HAGH: variants seen among roughly 807,000 people sequenced by gnomAD.
HAGH encodes hydroxyacylglutathione hydrolase, mitochondrial.
Under a neutral mutation model 35.1 loss-of-function variants are expected in HAGH, and 29 were observed. The ratio of observed to expected loss-of-function variants is 0.83; its 90% CI spans 0.62 to 1.13. The LOEUF (loss-of-function observed/expected upper bound fraction) is 1.13. HAGH is among the 50% of genes most tolerant of loss of function. The pLI, the probability that HAGH is intolerant of heterozygous loss-of-function variation, is 0.00. For synonymous variants in HAGH, 225 were observed against 176.1 expected (o/e 1.28, Z -2.20); for missense variants, 478 against 419.6 (o/e 1.14, Z -1.22).
Position 1,819,943 on chromosome 16 carries a change from C to A in HAGH, c.386G>T (p.Arg129Leu). 6.2e-7 allele frequency: 1 copy of A among 1,613,102 alleles called. No individual in the cohort carries two copies. The highest frequency in any genetic ancestry group is 8.5e-7 in the Non-Finnish European group (1 of 1,179,364). Residue 129 changes from arginine to leucine, a missense_variant, in exon 4 of 9, where the codon CGT (arginine) becomes CTT (leucine). Arg to Leu is a moderately radical substitution (Grantham distance 102, BLOSUM62 -2). Coordinates refer to ENST00000397356, the MANE Select transcript of HAGH (RefSeq NM_005326.6). ...GATCTTGTGAGTCAGGGCCCCGATA[C>A]GGTCGTCACCCCCGTACACCTTCAG... ...SGLKVYGGDDRIGALTHKITH... is the reference protein window; with the variant it reads ...SGLKVYGGDDLIGALTHKITH...
At position 1,822,288 on chromosome 16, in the gene HAGH, C is replaced by G. The variant is rs376741120; in HGVS notation, c.314+12G>C. On this transcript the variant is annotated intron_variant, in intron 3 of 8. Transcript: ENST00000397356. ...CCAGGTCCCACACCCCCAGGTGAGA[C>G]GCGGCACTTACCAGTGGTGGTGGGT... is the stretch of plus-strand genomic sequence containing the variant. 1.1e-5 allele frequency: 17 copies of G among 1,589,508 alleles called. No homozygotes were observed. Among genetic ancestry groups the G allele is most frequent in the Middle Eastern group, 1.7e-4 (1 of 5,992 alleles).
At chr16:1,810,024 G>C (rs1354779425) in intron 7 of HAGH, 191 bp from the exon 8 acceptor site, 2 of 585,126 alleles carry the variant, frequency 3.4e-6, no homozygotes, top group Non-Finnish European at 6.1e-6. Flanking sequence ...AACTAGCCAG[G>C]CATGGTGGCA....
chr16:1,822,212 T>C, intron 3 of HAGH, 88 bp downstream of exon 3: 1 of 812,152 alleles, frequency 1.2e-6, no homozygotes, highest in Non-Finnish European at 2.1e-6. Context: ...GACAGAGCCG[T>C]GGGGGGAGAC....
At chr16:1,818,809 G>A (rs1032996243) in intron 5 of HAGH, 1 of 378,302 alleles carries the variant, frequency 2.6e-6, no homozygotes, top group African/African-American at 2.1e-5. Flanking sequence ...CCCCAGGGCT[G>A]AGCCACCCCT....
rs771431266 is a variant in HAGH at position 1,809,361 on chromosome 16, G to C, written c.849C>G (p.His283Gln). Residue 283 changes from histidine (H) to glutamine (Q), a missense_variant, in exon 9 of 9, where the codon CAC becomes CAG. Physicochemically the swap from His to Gln is conservative, Grantham distance 24. Transcript: ENST00000397356. ...TGGTCACCGGGTCCGTCTCACCTGC[G>C]TGCTGCTGCACCGTCTTCTCCCTGC... is the stretch of plus-strand genomic sequence containing the variant. ...MRVREKTVQQ[H>Q]AGETDPVTTM... 1 of 1,612,204 alleles carries C rather than the reference G, an allele frequency of 6.2e-7. No homozygotes were observed. The highest frequency in any genetic ancestry group is 1.1e-5 in the South Asian group (1 of 91,072).
intron 7 of HAGH, chr16:1,810,104 G>C (rs1348906311): frequency 4.2e-6 from 2 of 471,298 alleles, no homozygotes; most frequent in Non-Finnish European, 3.9e-6. Context: ...CGAGGCTACA[G>C]TGAGCCAAGA....
chr16:1,823,780 T>G (rs1436569625), intron 1 of HAGH, among the ~76,000 whole-genome samples: 1 of 141,360 alleles, frequency 7.1e-6, no homozygotes, highest in Non-Finnish European at 1.5e-5. Flanking sequence ...AAAAGGAATA[T>G]CTTCATATAT....
intron 7 of HAGH, among the ~76,000 whole-genome samples, chr16:1,812,652 G>T (rs1288220094): frequency 6.6e-6 from 1 of 152,108 alleles, no homozygotes; most frequent in Non-Finnish European, 1.5e-5. Context: ...TAAAATACAG[G>T]AGAAAATTTT....
chr16:1,820,921 G>C (rs1898126446), intron 3 of HAGH, among the ~76,000 whole-genome samples: 1 of 152,186 alleles, frequency 6.6e-6, no homozygotes, highest in South Asian at 2.1e-4. Context: ...GACTTCACGT[G>C]TCGGCATGAA....
At chr16:1,824,078 C>A (rs1898283194) in intron 1 of HAGH, among the ~76,000 whole-genome samples, 1 of 152,136 alleles carries the variant, frequency 6.6e-6, no homozygotes, top group Non-Finnish European at 1.5e-5. Context: ...AGTTACAGCC[C>A]TTCTCAGCCT....
Position 1,822,290 on chromosome 16 carries a change from CG to C in HAGH, c.314+9del, listed in dbSNP as rs777161702. Reference sequence around the variant, plus strand: ...AGGTCCCACACCCCCAGGTGAGACGCGGCACTTACCAGTGGTGGTGGGTGGT... The same window carrying C: ...AGGTCCCACACCCCCAGGTGAGACGCGCACTTACCAGTGGTGGTGGGTGGT... On this transcript the variant is annotated intron_variant, in intron 3 of 8. Coordinates refer to ENST00000397356, the MANE Select transcript of HAGH (RefSeq NM_005326.6). 6.3e-7 allele frequency: 1 copy of C among 1,594,850 alleles called. No individual in the cohort carries two copies. Among genetic ancestry groups the C allele is most frequent in the South Asian group, 1.1e-5 (1 of 90,670 alleles).
In HAGH at chr16:1,816,980, GC is replaced by G. The variant is rs1567256539; in HGVS notation, c.659del (p.Gly220AlafsTer54). ...TGAGGTTGTTGATGGTGTACTCGTG[GC>G]CACAGTAGACTCTCTGAGGAGAGAG... is the stretch of plus-strand genomic sequence containing the variant. ...RLPPDTRVYC[G>X]HEYTINNLKF... On this transcript the variant is annotated frameshift_variant, in exon 7 of 9. Transcript: ENST00000397356. LOFTEE classifies it high-confidence loss of function. 31 of 1,611,008 alleles carry G rather than the reference GC, an allele frequency of 1.9e-5. No individual in the cohort carries two copies. The highest frequency in any genetic ancestry group is 2.6e-5 in the Non-Finnish European group (31 of 1,177,114).
intron 7 of HAGH, chr16:1,810,058 A>AGG: frequency 1.8e-6 from 1 of 554,328 alleles, no homozygotes; most frequent in Non-Finnish European, 3.3e-6. Context: ...CCAGCTACTC[A>AGG]GGGGGCTGAG....
chr16:1,811,649 G>A (rs1047339894), intron 7 of HAGH, among the ~76,000 whole-genome samples: 2 of 151,984 alleles, frequency 1.3e-5, no homozygotes, highest in African/African-American at 2.4e-5. Context: ...GGAGGCGGAG[G>A]CTGCAGTAGT....
At chr16:1,817,889 G>T (rs1897979250) in intron 5 of HAGH, among the ~76,000 whole-genome samples, 1 of 152,234 alleles carries the variant, frequency 6.6e-6, no homozygotes, top group African/African-American at 2.4e-5. Flanking sequence ...CCAGAAACAG[G>T]GCAGTCCCCT....
rs1209615681 is a variant in HAGH, at chr16:1,822,917, A to G, written c.197T>C (p.Ile66Thr). The change falls in exon 2 of 9, where the codon ATT (isoleucine) becomes ACT (threonine). Residue 66 changes from isoleucine to threonine, a missense_variant. Coordinates refer to ENST00000397356, the MANE Select transcript of HAGH (RefSeq NM_005326.6). ...ALTDNYMYLV[I>T]DDETKEAAIV... ...GGCAGCCTCCTTGGTCTCATCATCA[A>G]TGACCAGGTACATGTAGTTGTCGGT... is the stretch of plus-strand genomic sequence containing the variant. 1 of 1,613,856 alleles carries G rather than the reference A, an allele frequency of 6.2e-7. No homozygotes were observed. The highest frequency in any genetic ancestry group is 8.5e-7 in the Non-Finnish European group (1 of 1,179,916).
At chr16:1,822,036 A>G in intron 3 of HAGH, 1 of 422,862 alleles carries the variant, frequency 2.4e-6, no homozygotes. Context: ...ACAAACCCGC[A>G]TGGCCCAGGA....
upstream of HAGH, chr16:1,827,060 C>A (rs925609762): frequency 2.1e-6 from 2 of 949,822 alleles, no homozygotes; most frequent in East Asian, 2.7e-5. Flanking sequence ...TTTTTGGCAC[C>A]GCACAGTGGA....
At position 1,819,137 on chromosome 16, in the gene HAGH, C is replaced by T. The variant is rs145823028; in HGVS notation, c.519G>A (p.Ser173=). ...CACCTGTGAACACGGCAGGGGGCTCCGAGCCTCCGGGCTTGCTCACGAAGT... is the reference window on the plus strand; with the variant it reads ...CACCTGTGAACACGGCAGGGGGCTCTGAGCCTCCGGGCTTGCTCACGAAGT... ...ICYFVSKPGG[S]EPPAVFTGDT... The change falls in exon 5 of 9, where the codon TCG becomes TCA. Residue 173 remains serine, a synonymous_variant. Coordinates refer to ENST00000397356, the MANE Select transcript of HAGH (RefSeq NM_005326.6). The T allele has an allele frequency of 9.5e-4, 1,531 of 1,611,538 alleles. 2 individuals are homozygous for T. The highest frequency in any genetic ancestry group is 1.3e-3 in the Admixed American group (80 of 59,986).
Sources: allele counts gnomAD v4.1 joint callset (sites outside exome capture counted in the v4.1 genomes callset), GRCh38; gene constraint gnomAD v4.1.1; transcripts MANE v1.5; gene names NCBI Gene and HGNC (gene_info 2026-07-23, HGNC 2026-07-21).